The following EIF5 variants were observed in gnomAD, a reference collection of about 807,000 sequenced individuals.
EIF5 encodes the protein eukaryotic translation initiation factor 5.
In EIF5, 10 loss-of-function variants were observed where a neutral mutation model predicts 48.3. That is an observed-to-expected ratio of 0.21 (90% CI 0.13 to 0.35). EIF5 has a LOEUF of 0.35. Ranked by LOEUF, EIF5 falls within the 10% of genes least tolerant of loss-of-function variation. EIF5 has a pLI of 1.00. For missense variants in EIF5, 397 were observed against 533.2 expected, an observed-to-expected ratio of 0.74 and a Z score of 2.51; for synonymous variants, 237 against 173.1, an observed-to-expected ratio of 1.37 and a Z score of -2.90.
rs772044086 is a variant in EIF5 at position 103,339,636 on chromosome 14, C to T, written c.907-3C>T. 5 of 1,613,972 alleles carry T rather than the reference C, an allele frequency of 3.1e-6. No individual in the cohort carries two copies. The highest frequency in any genetic ancestry group is 4.2e-6 in the Non-Finnish European group (5 of 1,180,016). On this transcript the variant is annotated splice_polypyrimidine_tract_variant and splice_region_variant and intron_variant, in intron 9 of 11. Coordinates refer to ENST00000216554, the MANE Select transcript of EIF5 (RefSeq NM_001969.5). Reference sequence around the variant, plus strand: ...TTGTTAACACCAAGGTGTCTATTTGCAGTTTTGTCACAACAACAAAAAAGC... The same window carrying T: ...TTGTTAACACCAAGGTGTCTATTTGTAGTTTTGTCACAACAACAAAAAAGC...
chr14:103,335,909 A>G lies in EIF5; in HGVS notation c.49A>G (p.Lys17Glu). The change falls in exon 3 of 12, where the codon AAG becomes GAG. Residue 17 changes from lysine to glutamate, a missense_variant. Coordinates refer to ENST00000216554, the MANE Select transcript of EIF5 (RefSeq NM_001969.5). Reference protein sequence around the residue: ...RSVSDQFYRYKMPRLIAKVEG... With the variant: ...RSVSDQFYRYEMPRLIAKVEG... ...CGTGTCAGACCAGTTCTATCGCTAC[A>G]AGATGCCCCGTCTGATTGCCAAGGT... 1 of 1,614,232 alleles carries G rather than the reference A, an allele frequency of 6.2e-7. No homozygotes were observed. Among genetic ancestry groups the G allele is most frequent in the Non-Finnish European group, 8.5e-7 (1 of 1,180,032 alleles).
At chr14:103,338,949 T>G in intron 8 of EIF5, 56 bp downstream of exon 8, 1 of 1,584,060 alleles carries the variant, frequency 6.3e-7, no homozygotes, top group Non-Finnish European at 8.6e-7. Flanking sequence ...TTTGTGCCTT[T>G]AGATATATGA....
chr14:103,340,281 C>CT, intron 10 of EIF5, 146 bp from the exon 11 acceptor site: 1 of 812,882 alleles, frequency 1.2e-6, no homozygotes, highest in Admixed American at 2.3e-5. Context: ...ACTGCTGAGA[C>CT]TAACGTGTTC....
chr14:103,339,818 G>C lies in EIF5; in HGVS notation c.1071+15G>C. On this transcript the variant is annotated intron_variant, in intron 10 of 11. Coordinates refer to ENST00000216554, the MANE Select transcript of EIF5 (RefSeq NM_001969.5). ...GGTCGGAAAAGGTGGGGAATACATAGGTGGGCTCTTAAAGTTCACAGGTTT... is the reference window on the plus strand; with the variant it reads ...GGTCGGAAAAGGTGGGGAATACATACGTGGGCTCTTAAAGTTCACAGGTTT... The C allele has an allele frequency of 6.2e-7, 1 of 1,609,556 alleles. No homozygotes were observed. The highest frequency in any genetic ancestry group is 8.5e-7 in the Non-Finnish European group (1 of 1,178,102).
chr14:103,339,344 TGCTCTG>T lies in EIF5; in HGVS notation c.906+13_906+18del. 6.3e-7 allele frequency: 1 copy of T among 1,579,580 alleles called. No individual in the cohort carries two copies. The highest frequency in any genetic ancestry group is 8.5e-7 in the Non-Finnish European group (1 of 1,169,614). ...CGCCATTTCCTACGAGTAAGCAAAG[TGCTCTG>T]GATTCATAAATGAGATTACAGTTGT... On this transcript the variant is annotated intron_variant, in intron 9 of 11. Coordinates refer to ENST00000216554, the MANE Select transcript of EIF5 (RefSeq NM_001969.5).
At chr14:103,337,076 C>T (rs1220329625) in intron 5 of EIF5, 40 bp from the exon 6 acceptor site, 3 of 1,553,158 alleles carry the variant, frequency 1.9e-6, no homozygotes, top group Non-Finnish European at 8.8e-7. Context: ...TAGATATTTT[C>T]ATGTTATATT....
In EIF5 at chr14:103,334,487, C is replaced by A. The variant is rs1566719098; in HGVS notation, c.-319C>A. 1 of 149,730 alleles carries A rather than the reference C, an allele frequency of 6.7e-6. No individual in the cohort carries two copies. Among genetic ancestry groups the A allele is most frequent in the Non-Finnish European group, 1.5e-5 (1 of 67,450 alleles). 9.3% of individuals were successfully genotyped at this position (149,730 alleles called of 1,614,324 possible). A position where few individuals can be genotyped will look rare whatever the true frequency, so the allele number is the denominator to read the frequency against. Reference sequence around the variant, plus strand: ...CGGCACCTGGCCCGGCCGCTCCTCGCTGCGCTTCGCCTCCGCCTCCTCGGA... The same window carrying A: ...CGGCACCTGGCCCGGCCGCTCCTCGATGCGCTTCGCCTCCGCCTCCTCGGA... On this transcript the variant is annotated 5_prime_UTR_variant, in exon 2 of 12. It adds an upstream start codon to the 5' untranslated region. Transcript: ENST00000216554.
intron 9 of EIF5, 104 bp from the exon 10 acceptor site, chr14:103,339,535 C>A: frequency 6.5e-7 from 1 of 1,539,808 alleles, no homozygotes; most frequent in Non-Finnish European, 8.9e-7. Flanking sequence ...TTTTGAACAA[C>A]TATGGTATGG....
In EIF5 at chr14:103,341,886, A is replaced by G. The variant is rs113964300; in HGVS notation, c.*834A>G. On this transcript the variant is annotated 3_prime_UTR_variant, in exon 12 of 12. Coordinates refer to ENST00000216554, the MANE Select transcript of EIF5 (RefSeq NM_001969.5). ...TTAATAAACTGATTTTATTTGGGAG[A>G]AACAAGGAAGGGTGCACTTAACTAG... 44 of 152,724 alleles carry G rather than the reference A, an allele frequency of 2.9e-4. No individual in the cohort carries two copies. The highest frequency in any genetic ancestry group is 1.0e-3 in the African/African-American group (42 of 41,568). 9.5% of individuals were successfully genotyped at this position (152,724 alleles called of 1,614,324 possible).
chr14:103,344,100 C>T lies in EIF5; in HGVS notation c.*3048C>T, dbSNP rs1311477911. ...GGGAGTCACTTTGGTCATCTCTGTCCCCAGTACAGATCTTGATTCATAGTG... is the reference window on the plus strand; with the variant it reads ...GGGAGTCACTTTGGTCATCTCTGTCTCCAGTACAGATCTTGATTCATAGTG... On this transcript the variant is annotated 3_prime_UTR_variant, in exon 12 of 12. Coordinates refer to ENST00000216554, the MANE Select transcript of EIF5 (RefSeq NM_001969.5). The T allele has an allele frequency of 6.6e-6, 1 of 152,126 alleles. No individual in the cohort carries two copies. Among genetic ancestry groups the T allele is most frequent in the Non-Finnish European group, 1.5e-5 (1 of 68,038 alleles). 9.4% of individuals were successfully genotyped at this position (152,126 alleles called of 1,614,324 possible).
chr14:103,340,431 C>G lies in EIF5; in HGVS notation c.1076C>G (p.Ser359Cys), dbSNP rs1173754627. 2 of 1,599,464 alleles carry G rather than the reference C, an allele frequency of 1.3e-6. No individual in the cohort carries two copies. Among genetic ancestry groups the G allele is most frequent in the Admixed American group, 3.3e-5 (2 of 59,742 alleles). Residue 359 changes from serine (S) to cysteine (C), a missense_variant, in exon 11 of 12, where the codon TCT becomes TGT. Physicochemically the swap from Ser to Cys is moderately radical, Grantham distance 112 (BLOSUM62 -1). Transcript: ENST00000216554. ...ACTTGTACTCACATTTTTTAGGCCT[C>G]TAAGAAATATGTCTCCAAAGAACTT... is the stretch of plus-strand genomic sequence containing the variant. ...EVIISWSEKA[S>C]KKYVSKELAK... is the part of the protein sequence containing the mutation.
At chr14:103,338,562 C>T (rs1228751512) in intron 7 of EIF5, 90 bp downstream of exon 7, 9 of 1,502,714 alleles carry the variant, frequency 6.0e-6, no homozygotes, top group Non-Finnish European at 8.0e-6. Context: ...TGAAACTAGC[C>T]TTCAGTGTGT....
intron 4 of EIF5, 139 bp from the exon 5 acceptor site, chr14:103,336,538 G>C: frequency 1.1e-6 from 1 of 895,240 alleles, no homozygotes; most frequent in Non-Finnish European, 1.6e-6. Context: ...CTGAGACCAC[G>C]CCGTTGCACT....
Position 103,338,740 on chromosome 14 carries a change from A to C in EIF5, c.591A>C (p.Glu197Asp), listed in dbSNP as rs567713328. The change falls in exon 8 of 12, where the codon GAA becomes GAC. Residue 197 changes from glutamate (E) to aspartate (D), a missense_variant. Glu to Asp is a conservative substitution (Grantham distance 45, BLOSUM62 2). Around this residue, in one of 4 missense-constraint regions of EIF5, gnomAD observed 126 missense variants for 141.9 expected, o/e 0.89. Coordinates refer to ENST00000216554, the MANE Select transcript of EIF5 (RefSeq NM_001969.5). ...EINPPPHTME[E>D]EEDDDWGEDT... ...AGCTCTGTTTTCATAAACAGGAAGA[A>C]GAGGAGGATGATGACTGGGGAGAAG... The C allele has an allele frequency of 1.0e-4, 168 of 1,613,388 alleles. 1 individual carries two copies. The South Asian group carries it at 1.6e-3, about 15-fold the overall frequency.
intron 7 of EIF5, 91 bp from the exon 8 acceptor site, chr14:103,338,644 A>G: frequency 1.3e-6 from 2 of 1,543,712 alleles, no homozygotes; most frequent in African/African-American, 1.4e-5. Flanking sequence ...TTGGATGGAG[A>G]TGGACTTGAT....
intron 4 of EIF5, 140 bp downstream of exon 4, chr14:103,336,257 T>A: frequency 1.1e-6 from 1 of 919,146 alleles, no homozygotes. Flanking sequence ...TTGGTTGCCA[T>A]GAGTTTACAA....
Position 103,336,214 on chromosome 14 carries a change from T to TA in EIF5, c.154+98dup, listed in dbSNP as rs2089283745. On this transcript the variant is annotated intron_variant, in intron 4 of 11. Transcript: ENST00000216554. The stretch of plus-strand genomic sequence containing the variant: ...TTGTTCTAATTGTATGCTAGCTAAT[T>TA]ACCTTACAAGTTAAGTGAGGAACCG... The TA allele has an allele frequency of 2.5e-6, 3 of 1,212,196 alleles. No homozygotes were observed. The African/African-American group carries it at 4.6e-5, about 19-fold the overall frequency. The allele number at this position is 1,212,196 out of a possible 1,614,324, so 75.1% of individuals were successfully genotyped here.
At chr14:103,337,721 C>G (rs1393023460) in intron 6 of EIF5, 4 of 409,904 alleles carry the variant, frequency 9.8e-6, no homozygotes, top group African/African-American at 2.1e-5. Flanking sequence ...TAAACTGTGC[C>G]ATATCAATTA....
At chr14:103,337,304 G>C (rs2089298509) in intron 6 of EIF5, 77 bp downstream of exon 6, 14 of 1,295,484 alleles carry the variant, frequency 1.1e-5, no homozygotes, top group Non-Finnish European at 2.2e-6. Context: ...AGGTTTTTTT[G>C]TAATAGGAAT....
Sources: gnomAD v4.1 joint callset for allele counts on GRCh38, gnomAD v4.1.1 for gene constraint, gnomAD v4.1.1 regional missense constraint, MANE v1.5 for transcripts, NCBI Gene and HGNC (gene_info 2026-07-23, HGNC 2026-07-21) for gene names.